CTR9: variants seen among roughly 807,000 people sequenced by gnomAD.
CTR9 encodes CTR9 component of Paf1/RNA polymerase II complex.
Under a neutral mutation model 152.1 loss-of-function variants are expected in CTR9, and 41 were observed. The ratio of observed to expected loss-of-function variants is 0.27; its 90% CI spans 0.21 to 0.35. The LOEUF is 0.35. Ranked by LOEUF, CTR9 falls within the 10% of genes least tolerant of loss-of-function variation. The pLI is 1.00. For synonymous variants in CTR9, 476 were observed against 496.2 expected, an observed-to-expected ratio of 0.96 and a Z score of 0.54; for missense variants, 917 against 1,424.4, an observed-to-expected ratio of 0.64 and a Z score of 5.73.
chr11:10,770,448 G>A (rs748332032), intron 17 of CTR9, 39 bp from the exon 18 acceptor site: 2 of 1,598,674 alleles, frequency 1.3e-6, no homozygotes, highest in Admixed American at 3.5e-5. Context: ...TCCTTTTCAT[G>A]TCATTTGAAC....
intron 4 of CTR9, 141 bp from the exon 5 acceptor site, chr11:10,756,608 A>C (rs1862888309): frequency 1.8e-6 from 1 of 549,098 alleles, no homozygotes. Flanking sequence ...ATGAAAAACA[A>C]ATTTTTAATA....
chr11:10,770,783 G>A (rs932612058), intron 18 of CTR9, 151 bp downstream of exon 18: 1 of 717,438 alleles, frequency 1.4e-6, no homozygotes, highest in African/African-American at 1.8e-5. Flanking sequence ...TGGTCTATTA[G>A]AATCATTCCA....
intron 18 of CTR9, among the ~76,000 whole-genome samples, chr11:10,770,868 G>C (rs1214853988): frequency 6.6e-6 from 1 of 152,178 alleles, no homozygotes; most frequent in African/African-American, 2.4e-5. Context: ...TGCCAGATTT[G>C]GATCTTGTAG....
At chr11:10,753,359 CT>C (rs1301856741) in intron 2 of CTR9, among the ~76,000 whole-genome samples, 4 of 152,042 alleles carry the variant, frequency 2.6e-5, no homozygotes, top group Non-Finnish European at 5.9e-5. Flanking sequence ...ATGATGTTTT[CT>C]TTTTATAGGA....
At chr11:10,756,236 A>G (rs1322434409) in intron 4 of CTR9, among the ~76,000 whole-genome samples, 2 of 152,234 alleles carry the variant, frequency 1.3e-5, no homozygotes, top group Non-Finnish European at 1.5e-5. Context: ...AGTTATTTCA[A>G]TTATTACTTT....
intron 18 of CTR9, 54 bp downstream of exon 18, chr11:10,770,686 A>G: frequency 6.8e-7 from 1 of 1,475,108 alleles, no homozygotes; most frequent in Non-Finnish European, 9.1e-7. Context: ...CTATGACCAT[A>G]CCATCTTGAA....
chr11:10,764,979 A>T (rs947774335), intron 12 of CTR9, among the ~76,000 whole-genome samples: 1 of 152,194 alleles, frequency 6.6e-6, no homozygotes, highest in East Asian at 1.9e-4. Flanking sequence ...TGGGTCAGCT[A>T]CCTTTGTTAG....
rs1862876991 is a variant in CTR9, at chr11:10,755,913, G to A, written c.502+118G>A. On this transcript the variant is annotated intron_variant, in intron 4 of 24. Transcript: ENST00000361367. ...AGACAGCAAAGTAGAAGAGCTTTATGTTGTTACAAATGAAATTACCTACAA... is the reference window on the plus strand; with the variant it reads ...AGACAGCAAAGTAGAAGAGCTTTATATTGTTACAAATGAAATTACCTACAA... 5.3e-5 allele frequency: 31 copies of A among 582,610 alleles called. No individual in the cohort carries two copies. In the South Asian group the frequency reaches 7.5e-4, roughly 14 times the overall value. 36.1% of individuals were successfully genotyped at this position (582,610 alleles called of 1,614,324 possible).
At chr11:10,758,383 G>A (rs1429679796) in intron 5 of CTR9, among the ~76,000 whole-genome samples, 2 of 152,164 alleles carry the variant, frequency 1.3e-5, no homozygotes, top group Admixed American at 1.3e-4. Flanking sequence ...CACTAGGGAG[G>A]TAATAGTGGA....
rs1314024737 is a variant in CTR9 at position 10,755,936 on chromosome 11, C to T, written c.502+141C>T. ...ATGTTGTTACAAATGAAATTACCTA[C>T]AACAAATATTGTTGAAATTGTAGAA... On this transcript the variant is annotated intron_variant, in intron 4 of 24. Transcript: ENST00000361367. 6 of 547,350 alleles carry T rather than the reference C, an allele frequency of 1.1e-5. No homozygotes were observed. The African/African-American group carries it at 1.2e-4, about 11-fold the overall frequency. The allele number at this position is 547,350 out of a possible 1,614,324, so 33.9% of individuals were successfully genotyped here. A position where few individuals can be genotyped will look rare whatever the true frequency, so the allele number is the denominator to read the frequency against.
chr11:10,762,207 A>G (rs1329531587), intron 7 of CTR9, among the ~76,000 whole-genome samples, 153 bp downstream of exon 7: 2 of 152,150 alleles, frequency 1.3e-5, no homozygotes, highest in African/African-American at 4.8e-5. Context: ...ACCTGGGGGT[A>G]CCTACATTTG....
chr11:10,772,124 G>C (rs1418108259), intron 19 of CTR9, among the ~76,000 whole-genome samples: 5 of 152,098 alleles, frequency 3.3e-5, no homozygotes, highest in Non-Finnish European at 5.9e-5. Flanking sequence ...TGGAGGCCTA[G>C]GTGGGCGGAT....
intron 1 of CTR9, among the ~76,000 whole-genome samples, chr11:10,751,966 C>G (rs1235406614): frequency 6.6e-6 from 1 of 152,182 alleles, no homozygotes. Flanking sequence ...CAAGATTTAG[C>G]CGCCCCTGTG....
Position 10,779,003 on chromosome 11 carries a change from T to C in CTR9, c.3420T>C (p.Asn1140=). The change falls in exon 25 of 25, where the codon AAT becomes AAC. Residue 1140 remains asparagine, a synonymous_variant. Coordinates refer to ENST00000361367, the MANE Select transcript of CTR9 (RefSeq NM_014633.5). ...SDHESERGSD[N]EGSGQGSGNE... Reference sequence around the variant, plus strand: ...ACGAATCGGAGAGAGGATCTGATAATGAGGGTTCTGGCCAAGGCTCTGGAA... The same window carrying C: ...ACGAATCGGAGAGAGGATCTGATAACGAGGGTTCTGGCCAAGGCTCTGGAA... 1.2e-6 allele frequency: 2 copies of C among 1,614,120 alleles called. No homozygotes were observed. Among genetic ancestry groups the C allele is most frequent in the Non-Finnish European group, 1.7e-6 (2 of 1,180,032 alleles).
rs1212062471 is a variant in CTR9 at position 10,762,051 on chromosome 11, A to G, written c.846A>G (p.Lys282=). ...ATTTGGCAAATCACTTTTTCTTCAA[A>G]AAGGTAGAAGTCATTTATTTTTAAA... ...LNHLANHFFF[K]KDYSKVQHLA... is the part of the protein sequence containing the mutation. Residue 282 remains lysine (K), a synonymous_variant, in exon 7 of 25, where the codon AAA becomes AAG. Coordinates refer to ENST00000361367, the MANE Select transcript of CTR9 (RefSeq NM_014633.5). 1 of 1,569,888 alleles carries G rather than the reference A, an allele frequency of 6.4e-7. No individual in the cohort carries two copies. The highest frequency in any genetic ancestry group is 8.7e-7 in the Non-Finnish European group (1 of 1,148,696).
intron 3 of CTR9, among the ~76,000 whole-genome samples, chr11:10,755,430 G>A (rs914705572): frequency 2.0e-5 from 3 of 152,134 alleles, no homozygotes; most frequent in Non-Finnish European, 2.9e-5. Flanking sequence ...ATTATCTCCA[G>A]GTGAATTTCA....
chr11:10,761,153 C>T (rs1485763085), intron 6 of CTR9, among the ~76,000 whole-genome samples: 1 of 152,194 alleles, frequency 6.6e-6, no homozygotes, highest in East Asian at 1.9e-4. Flanking sequence ...TCCCGGGCCT[C>T]TACCCACTAA....
intron 19 of CTR9, among the ~76,000 whole-genome samples, chr11:10,772,250 G>T (rs1863154495): frequency 6.6e-6 from 1 of 152,074 alleles, no homozygotes; most frequent in South Asian, 2.1e-4. Context: ...AGCTACTCGG[G>T]AGGCTGAGGC....
In CTR9 at chr11:10,769,985, AC is replaced by A. The variant is rs534807507; in HGVS notation, c.2110-223del. Among the ~76,000 whole-genome samples, 3 of 152,354 alleles carry A rather than the reference AC, an allele frequency of 2.0e-5. No individual in the cohort carries two copies. The South Asian group carries it at 6.2e-4, about 32-fold the overall frequency. The stretch of plus-strand genomic sequence containing the variant: ...TGGTCCAAATTTCAAATGGAAAGAA[AC>A]CATTTCAAGCATCTAGTTTTTCTAA... On this transcript the variant is annotated intron_variant, in intron 16 of 24. Transcript: ENST00000361367.
Sources: allele counts gnomAD v4.1 joint callset (sites outside exome capture counted in the v4.1 genomes callset), GRCh38; gene constraint gnomAD v4.1.1; transcripts MANE v1.5; gene names NCBI Gene and HGNC (gene_info 2026-07-23, HGNC 2026-07-21).